Variants in BCL7A observed in about 807,000 individuals in gnomAD.
BCL7A encodes B-cell CLL/lymphoma 7 protein family member A.
In BCL7A, 11 loss-of-function variants were observed where a neutral mutation model predicts 28.4. That is an observed-to-expected ratio of 0.39 (90% CI 0.24 to 0.64). The LOEUF is 0.64. Ranked by LOEUF, BCL7A falls within the 30% of genes least tolerant of loss-of-function variation. BCL7A has a pLI of 0.50. For missense variants in BCL7A, 222 were observed against 274.8 expected (o/e 0.81, Z 1.36); for synonymous variants, 123 against 103.3 (o/e 1.19, Z -1.15).
At chr12:122,031,866 C>T (rs983348313) in intron 2 of BCL7A, among the ~76,000 whole-genome samples, 1 of 152,220 alleles carries the variant, frequency 6.6e-6, no homozygotes, top group African/African-American at 2.4e-5. Context: ...TCGTGGTTCC[C>T]AGGCCAGTTA....
At chr12:122,025,978 A>G (rs1331235182) in intron 1 of BCL7A, among the ~76,000 whole-genome samples, 1 of 150,996 alleles carries the variant, frequency 6.6e-6, no homozygotes, top group Non-Finnish European at 1.5e-5. Flanking sequence ...AGAAGAAAGA[A>G]AAGAGAAAAG....
In BCL7A at chr12:122,022,017, G is replaced by A. The variant is rs1883470202; in HGVS notation, c.-75G>A. On this transcript the variant is annotated 5_prime_UTR_variant, in exon 1 of 6. Transcript: ENST00000261822. Reference sequence around the variant, plus strand: ...GCGAGTGAGTGAGCGGCGGGCGGGCGCGAGTGTGGCCGCCGCGGAGCGCGA... The same window carrying A: ...GCGAGTGAGTGAGCGGCGGGCGGGCACGAGTGTGGCCGCCGCGGAGCGCGA... The A allele has an allele frequency of 1.5e-6, 2 of 1,328,852 alleles. No individual in the cohort carries two copies. Among genetic ancestry groups the A allele is most frequent in the Non-Finnish European group, 2.1e-6 (2 of 972,056 alleles). 82.3% of individuals were successfully genotyped at this position (1,328,852 alleles called of 1,614,324 possible). A position where few individuals can be genotyped will look rare whatever the true frequency, so the allele number is the denominator to read the frequency against.
At chr12:122,034,499 G>A (rs984086649) in intron 2 of BCL7A, among the ~76,000 whole-genome samples, 12 of 150,888 alleles carry the variant, frequency 8.0e-5, no homozygotes, top group African/African-American at 2.9e-4. Flanking sequence ...ACTTTGGGAG[G>A]CTGAGGCAGG....
chr12:122,038,430 T>TAAA (rs1883899575), intron 3 of BCL7A, among the ~76,000 whole-genome samples: 1 of 24,006 alleles, frequency 4.2e-5, no homozygotes, highest in Non-Finnish European at 7.3e-5. Context: ...AGACTCTGCC[T>TAAA]CAAAAAAAAA....
chr12:122,050,298 T>TGG (rs58969734), intron 4 of BCL7A, among the ~76,000 whole-genome samples: 2,485 of 118,444 alleles, frequency 0.021, 57 homozygotes, highest in African/African-American at 0.064. Context: ...TTCTTTATTG[T>TGG]GGGGGGGGGG....
rs1043634456 is a variant in BCL7A, at chr12:122,061,721, C to T, written c.*2558C>T. The T allele has an allele frequency of 1.2e-4, 27 of 231,122 alleles. No homozygotes were observed. Among genetic ancestry groups the T allele is most frequent in the African/African-American group, 4.6e-4 (21 of 45,266 alleles). The allele number at this position is 231,122 out of a possible 1,614,324, so 14.3% of individuals were successfully genotyped here. ...CCTAATTCCCCCCAAAACGTGAAGT[C>T]GGGGAAGCTGCGGCTACACATTCCA... On this transcript the variant is annotated 3_prime_UTR_variant, in exon 6 of 6. Coordinates refer to ENST00000261822, the MANE Select transcript of BCL7A (RefSeq NM_001024808.3).
In BCL7A at chr12:122,060,882, C is replaced by T. The variant is rs1406352585; in HGVS notation, c.*1719C>T. The T allele has an allele frequency of 7.6e-5, 17 of 223,882 alleles. No individual in the cohort carries two copies. The highest frequency in any genetic ancestry group is 1.4e-4 in the Non-Finnish European group (16 of 113,332). The allele number at this position is 223,882 out of a possible 1,614,324, so 13.9% of individuals were successfully genotyped here. On this transcript the variant is annotated 3_prime_UTR_variant, in exon 6 of 6. Coordinates refer to ENST00000261822, the MANE Select transcript of BCL7A (RefSeq NM_001024808.3). ...TCAAATACCTCATGCAAAATGTCTC[C>T]TGAAATAAGGGAAAAAAAAAAAACC...
At chr12:122,024,157 G>C (rs1883554565) in intron 1 of BCL7A, among the ~76,000 whole-genome samples, 1 of 152,336 alleles carries the variant, frequency 6.6e-6, no homozygotes, top group Admixed American at 6.5e-5. Context: ...TTGAGGGGCT[G>C]TACCTCTGCG....
chr12:122,059,994 CCCA>C lies in BCL7A; in HGVS notation c.*843_*845del, dbSNP rs1002349230. The C allele has an allele frequency of 4.3e-6, 1 of 233,360 alleles. No individual in the cohort carries two copies. The highest frequency in any genetic ancestry group is 8.5e-6 in the Non-Finnish European group (1 of 117,958). The allele number at this position is 233,360 out of a possible 1,614,324, so 14.5% of individuals were successfully genotyped here. ...TTTCTGGCACTTCCTCTCTATTGCC[CCCA>C]CCACCACCACCCCCATCACTGCTTT... On this transcript the variant is annotated 3_prime_UTR_variant, in exon 6 of 6. Coordinates refer to ENST00000261822, the MANE Select transcript of BCL7A (RefSeq NM_001024808.3). The surrounding 1 kb of genome is among the most constrained non-coding windows in gnomAD (Gnocchi z 4.0).
intron 1 of BCL7A, among the ~76,000 whole-genome samples, chr12:122,023,867 G>A (rs1883542104): frequency 6.6e-6 from 1 of 152,328 alleles, no homozygotes; most frequent in East Asian, 1.9e-4. Flanking sequence ...GAAAGAACTG[G>A]TGTCTGTGCC....
chr12:122,053,823 G>A (rs2135859907), intron 4 of BCL7A, among the ~76,000 whole-genome samples: 1 of 152,110 alleles, frequency 6.6e-6, no homozygotes, highest in South Asian at 2.1e-4. Flanking sequence ...AATGGTGTGC[G>A]GCCATCTTGT....
At chr12:122,031,525 G>A (rs1020571377) in intron 2 of BCL7A, among the ~76,000 whole-genome samples, 1 of 152,232 alleles carries the variant, frequency 6.6e-6, no homozygotes, top group African/African-American at 2.4e-5. Context: ...AGCCTGTGGA[G>A]TTGATCTTTT....
At chr12:122,041,056 G>T (rs1291007010) in intron 3 of BCL7A, among the ~76,000 whole-genome samples, 1 of 151,946 alleles carries the variant, frequency 6.6e-6, no homozygotes, top group Non-Finnish European at 1.5e-5. Context: ...TTCACAAGAG[G>T]ATGCTTTTGT....
chr12:122,035,315 C>G lies in BCL7A; in HGVS notation c.175-16C>G. On this transcript the variant is annotated splice_polypyrimidine_tract_variant and intron_variant, in intron 2 of 5. Coordinates refer to ENST00000261822, the MANE Select transcript of BCL7A (RefSeq NM_001024808.3). ...ATGATCTGGTGACTTGGTTTCTGCT[C>G]CATTTTCCCCTGCAGAAAAACAAGA... 6.2e-7 allele frequency: 1 copy of G among 1,610,868 alleles called. No homozygotes were observed. The highest frequency in any genetic ancestry group is 2.2e-5 in the East Asian group (1 of 44,858).
At chr12:122,040,581 ACT>A (rs1883946538) in intron 3 of BCL7A, among the ~76,000 whole-genome samples, 1 of 151,464 alleles carries the variant, frequency 6.6e-6, no homozygotes. Flanking sequence ...ACCTGGATAA[ACT>A]CTCCAGAAAA....
chr12:122,022,214 C>A, intron 1 of BCL7A, 31 bp downstream of exon 1: 1 of 1,390,084 alleles, frequency 7.2e-7, no homozygotes, highest in Non-Finnish European at 9.5e-7. Flanking sequence ...CCAGCCGCCT[C>A]CCCGGCCGCC....
rs1320200372 is a variant in BCL7A at position 122,060,600 on chromosome 12, T to G, written c.*1437T>G. ...AAACCTTTTCCTAAGCTTTCTTTACTGCACTGGAGTTCTGACTCCCTTTGA... is the reference window on the plus strand; with the variant it reads ...AAACCTTTTCCTAAGCTTTCTTTACGGCACTGGAGTTCTGACTCCCTTTGA... On this transcript the variant is annotated 3_prime_UTR_variant, in exon 6 of 6. Transcript: ENST00000261822. 4.3e-6 allele frequency: 1 copy of G among 232,976 alleles called. No homozygotes were observed. The highest frequency in any genetic ancestry group is 1.8e-4 in the South Asian group (1 of 5,520). 14.4% of individuals were successfully genotyped at this position (232,976 alleles called of 1,614,324 possible). A position where few individuals can be genotyped will look rare whatever the true frequency, so the allele number is the denominator to read the frequency against.
chr12:122,043,056 G>A (rs969257313), intron 3 of BCL7A, among the ~76,000 whole-genome samples: 1 of 149,862 alleles, frequency 6.7e-6, no homozygotes, highest in African/African-American at 2.5e-5. Flanking sequence ...AGTGGACCAC[G>A]TGTCCCGTGG....
At chr12:122,049,953 C>G (rs978370185) in intron 4 of BCL7A, among the ~76,000 whole-genome samples, 1 of 151,752 alleles carries the variant, frequency 6.6e-6, no homozygotes, top group African/African-American at 2.4e-5. Flanking sequence ...AGCCTCAGCA[C>G]CCCTGGCATT....
Sources: gnomAD v4.1 joint callset for allele counts (sites outside exome capture counted in the v4.1 genomes callset) on GRCh38, gnomAD v4.1.1 for gene constraint, Gnocchi (gnomAD v3.1) non-coding constraint, MANE v1.5 for transcripts, NCBI Gene and HGNC (gene_info 2026-07-23, HGNC 2026-07-21) for gene names.